Variants in NTNG1 observed in about 807,000 individuals in gnomAD.
The protein encoded by NTNG1 is netrin G1, also known as netrin-G1.
Under a neutral mutation model 54.0 loss-of-function variants are expected in NTNG1, and 16 were observed. The ratio of observed to expected loss-of-function variants is 0.30; its 90% CI spans 0.20 to 0.45. The LOEUF (loss-of-function observed/expected upper bound fraction) is 0.45, where lower values mean the gene tolerates loss of function less well. Ranked by LOEUF, NTNG1 falls within the 20% of genes least tolerant of loss-of-function variation. The pLI, the probability that NTNG1 is intolerant of heterozygous loss-of-function variation, is 1.00. For missense variants in NTNG1, 530 were observed against 678.7 expected (o/e 0.78, Z 2.43); for synonymous variants, 255 against 263.1 (o/e 0.97, Z 0.30).
At chr1:107,338,790 G>A (rs1668737318) in intron 3 of NTNG1, among the ~76,000 whole-genome samples, 1 of 151,222 alleles carries the variant, frequency 6.6e-6, no homozygotes, top group African/African-American at 2.4e-5. Flanking sequence ...ATAGGGTTCT[G>A]TACTTAGAGG....
intron 2 of NTNG1, among the ~76,000 whole-genome samples, chr1:107,266,757 T>G (rs143843254): frequency 1.3e-5 from 2 of 151,950 alleles, no homozygotes; most frequent in East Asian, 3.9e-4. Context: ...AGATTATGTG[T>G]GGACTGCTTT....
At chr1:107,176,460 G>T (rs1191755322) in intron 2 of NTNG1, among the ~76,000 whole-genome samples, 1 of 152,134 alleles carries the variant, frequency 6.6e-6, no homozygotes, top group Non-Finnish European at 1.5e-5. Context: ...CTCAAGTAAG[G>T]AATTCAAGGG....
intron 2 of NTNG1, among the ~76,000 whole-genome samples, chr1:107,305,569 A>G (rs1189797961): frequency 6.6e-6 from 1 of 151,294 alleles, no homozygotes; most frequent in Non-Finnish European, 1.5e-5. Context: ...TACTTCACCC[A>G]CTTTTTGATG....
intron 7 of NTNG1, among the ~76,000 whole-genome samples, chr1:107,454,757 A>G (rs1168595349): frequency 6.6e-6 from 1 of 152,236 alleles, no homozygotes; most frequent in African/African-American, 2.4e-5. Flanking sequence ...TCATCATGGC[A>G]GGCTCTTCGC....
chr1:107,195,486 A>G (rs1055436519), intron 2 of NTNG1, among the ~76,000 whole-genome samples: 3 of 151,948 alleles, frequency 2.0e-5, no homozygotes, highest in East Asian at 3.9e-4. Flanking sequence ...CCTTTGCTCA[A>G]AAGTCTGTAA....
At chr1:107,248,878 G>C (rs532586144) in intron 2 of NTNG1, among the ~76,000 whole-genome samples, 1 of 152,010 alleles carries the variant, frequency 6.6e-6, no homozygotes, top group Admixed American at 6.5e-5. Flanking sequence ...GCCGGGGGTG[G>C]TGGCTCATGC....
At chr1:107,379,647 T>G (rs190422542) in intron 3 of NTNG1, among the ~76,000 whole-genome samples, 113 of 152,270 alleles carry the variant, frequency 7.4e-4, no homozygotes, top group African/African-American at 2.6e-3. Context: ...ATAACAAGAA[T>G]AATGAAGGTG....
chr1:107,148,280 A>G lies in NTNG1; in HGVS notation c.-314A>G, dbSNP rs1232557141. ...CTGCAATTGGACATCTTTTACAAAAACCAAACTAGACCTGAGTCTAATAGA... is the reference window on the plus strand; with the variant it reads ...CTGCAATTGGACATCTTTTACAAAAGCCAAACTAGACCTGAGTCTAATAGA... On this transcript the variant is annotated 5_prime_UTR_variant, in exon 2 of 8. Transcript: ENST00000370068. The G allele has an allele frequency of 4.4e-6, 1 of 224,840 alleles. No individual in the cohort carries two copies. Among genetic ancestry groups the G allele is most frequent in the African/African-American group, 2.3e-5 (1 of 43,640 alleles). The allele number at this position is 224,840 out of a possible 1,614,324, so 13.9% of individuals were successfully genotyped here.
At chr1:107,385,085 A>G (rs191276224) in intron 3 of NTNG1, among the ~76,000 whole-genome samples, 25 of 152,244 alleles carry the variant, frequency 1.6e-4, no homozygotes, top group African/African-American at 5.3e-4. Context: ...GTAATATTGT[A>G]CTTAATTATA....
At chr1:107,147,105 C>G (rs1015438432) in intron 1 of NTNG1, among the ~76,000 whole-genome samples, 1 of 152,044 alleles carries the variant, frequency 6.6e-6, no homozygotes, top group African/African-American at 2.4e-5. Flanking sequence ...GATCTCTAAA[C>G]AGAAAAGTGG....
chr1:107,155,244 C>G (rs1164859453), intron 2 of NTNG1, among the ~76,000 whole-genome samples: 2 of 151,842 alleles, frequency 1.3e-5, no homozygotes, highest in African/African-American at 4.8e-5. Context: ...AGTGTTATCA[C>G]CATGAAGCCC....
chr1:107,156,944 C>T (rs538677917), intron 2 of NTNG1, among the ~76,000 whole-genome samples: 98 of 152,236 alleles, frequency 6.4e-4, no homozygotes, highest in Non-Finnish European at 7.5e-4. Context: ...GTAAACTATA[C>T]CTGTGGCTTT....
rs1488465940 is a variant in NTNG1 at position 107,484,310 on chromosome 1, G to A, written c.*3470G>A. On this transcript the variant is annotated 3_prime_UTR_variant, in exon 8 of 8. Transcript: ENST00000370068. ...GATAGACAAGGGCTACCACGAGGCT[G>A]GGGGCCAGTACAGAACACTGAACAG... 6.6e-6 allele frequency among the ~76,000 whole-genome samples: 1 copy of A among 152,174 alleles called. No homozygotes were observed. The highest frequency in any genetic ancestry group is 1.5e-5 in the Non-Finnish European group (1 of 68,022).
chr1:107,367,650 A>G (rs963475954), intron 3 of NTNG1, among the ~76,000 whole-genome samples: 6 of 152,154 alleles, frequency 3.9e-5, no homozygotes, highest in Admixed American at 1.3e-4. Context: ...CAAATACGTG[A>G]GCCATCCAAA....
intron 2 of NTNG1, among the ~76,000 whole-genome samples, chr1:107,163,447 G>A (rs1294882061): frequency 1.3e-5 from 2 of 152,038 alleles, no homozygotes; most frequent in Non-Finnish European, 2.9e-5. Context: ...AAATGTACAA[G>A]TCCTTCTGAT....
At chr1:107,478,345 C>A (rs1401781196) in intron 7 of NTNG1, among the ~76,000 whole-genome samples, 1 of 152,048 alleles carries the variant, frequency 6.6e-6, no homozygotes, top group Non-Finnish European at 1.5e-5. Context: ...CCTGCCAATC[C>A]ATGAGATTAC....
intron 5 of NTNG1, among the ~76,000 whole-genome samples, chr1:107,421,801 C>T (rs894192417): frequency 6.6e-6 from 1 of 151,988 alleles, no homozygotes; most frequent in African/African-American, 2.4e-5. Context: ...TTTATTTCAC[C>T]ATTTTTTCTT....
At chr1:107,185,185 C>T (rs1224646628) in intron 2 of NTNG1, among the ~76,000 whole-genome samples, 1 of 152,266 alleles carries the variant, frequency 6.6e-6, no homozygotes, top group East Asian at 1.9e-4. Context: ...ATTTTAATTT[C>T]CTGGGACTGC....
chr1:107,340,931 A>T (rs1477938888), intron 3 of NTNG1, among the ~76,000 whole-genome samples: 4 of 152,044 alleles, frequency 2.6e-5, no homozygotes, highest in African/African-American at 9.7e-5. Context: ...ATGCAAGTAC[A>T]TATTAAACTA....
Sources: gnomAD v4.1 joint callset for allele counts (sites outside exome capture counted in the v4.1 genomes callset) on GRCh38, gnomAD v4.1.1 for gene constraint, MANE v1.5 for transcripts, NCBI Gene and HGNC (gene_info 2026-07-23, HGNC 2026-07-21) for gene names.